The following KCNK3 variants were observed in gnomAD, a reference collection of about 807,000 sequenced individuals.
KCNK3 encodes the protein potassium channel subfamily K member 3.
KCNK3 carries 9 observed loss-of-function variants against 27.3 expected under a neutral mutation model. The ratio of observed to expected loss-of-function variants is 0.33; its 90% CI spans 0.20 to 0.57. The LOEUF (loss-of-function observed/expected upper bound fraction) is 0.57. Among genes scored for constraint, KCNK3 ranks in the 20% least tolerant of loss-of-function variants. KCNK3 has a pLI of 0.87. For synonymous variants in KCNK3, 278 were observed against 273.8 expected, an observed-to-expected ratio of 1.02 and a Z score of -0.15; for missense variants, 391 against 577.7, an observed-to-expected ratio of 0.68 and a Z score of 3.31.
At chr2:26,713,320 C>G (rs1017071546) in intron 1 of KCNK3, among the ~76,000 whole-genome samples, 1 of 152,086 alleles carries the variant, frequency 6.6e-6, no homozygotes, top group Non-Finnish European at 1.5e-5. Context: ...ACAGATGGGA[C>G]CAGAAATGGT....
chr2:26,727,582 C>T (rs1663444902), intron 1 of KCNK3, 85 bp from the exon 2 acceptor site: 5 of 1,501,014 alleles, frequency 3.3e-6, no homozygotes, highest in Non-Finnish European at 4.4e-6. Flanking sequence ...GGGGAGGTGG[C>T]GGGGCAACGG....
At position 26,694,747 on chromosome 2, in the gene KCNK3, A is replaced by G. The variant is rs1033551265; in HGVS notation, c.283+1589A>G. ...GTCTCTTCCACTCTCACACCCCACT[A>G]CTATTTGCCAGGGTTTCAGTAGCTG... On this transcript the variant is annotated intron_variant, in intron 1 of 1. Transcript: ENST00000302909. 4.6e-5 allele frequency among the ~76,000 whole-genome samples: 7 copies of G among 152,058 alleles called. No homozygotes were observed. In the East Asian group the frequency reaches 7.7e-4, roughly 17 times the overall value.
At chr2:26,697,153 CCTCTCTGA>C (rs904357428) in intron 1 of KCNK3, among the ~76,000 whole-genome samples, 8 of 152,146 alleles carry the variant, frequency 5.3e-5, no homozygotes, top group Admixed American at 1.3e-4. Context: ...TTCAATTGGA[CCTCTCTGA>C]CTCTCCTGCC....
chr2:26,699,246 A>AAAGAAAGAAAGC (rs1553384422), intron 1 of KCNK3, among the ~76,000 whole-genome samples: 1 of 140,342 alleles, frequency 7.1e-6, no homozygotes, highest in Non-Finnish European at 1.5e-5. Context: ...AGAAAGAAAG[A>AAAGAAAGAAAGC]AAGAAAGCCA....
intron 1 of KCNK3, among the ~76,000 whole-genome samples, chr2:26,710,613 G>T (rs1176549650): frequency 6.6e-6 from 1 of 152,178 alleles, no homozygotes; most frequent in East Asian, 1.9e-4. Context: ...GGAGATGGGG[G>T]CCTGTCCAGC....
At chr2:26,712,322 G>C (rs911684543) in intron 1 of KCNK3, among the ~76,000 whole-genome samples, 4 of 152,186 alleles carry the variant, frequency 2.6e-5, no homozygotes, top group Middle Eastern at 3.2e-3. Flanking sequence ...GCAACCGAAG[G>C]CTTGTTCACT....
chr2:26,697,100 T>TC (rs1670243614), intron 1 of KCNK3, among the ~76,000 whole-genome samples: 1 of 151,926 alleles, frequency 6.6e-6, no homozygotes, highest in Admixed American at 6.6e-5. Flanking sequence ...GGTAGATGAC[T>TC]CCCCCATGGC....
intron 1 of KCNK3, among the ~76,000 whole-genome samples, chr2:26,697,811 C>T (rs942175054): frequency 1.3e-5 from 2 of 152,148 alleles, no homozygotes; most frequent in African/African-American, 2.4e-5. Flanking sequence ...CTCAGCTGAG[C>T]ACCACCTCCC....
intron 1 of KCNK3, among the ~76,000 whole-genome samples, chr2:26,709,974 A>G (rs912417280): frequency 1.1e-4 from 16 of 152,042 alleles, no homozygotes; most frequent in Non-Finnish European, 1.9e-4. Context: ...TCCTTTGATC[A>G]TTTCTGTCAG....
chr2:26,700,521 G>C (rs1023875767), intron 1 of KCNK3, among the ~76,000 whole-genome samples: 7 of 152,180 alleles, frequency 4.6e-5, no homozygotes, highest in African/African-American at 1.7e-4. Flanking sequence ...GGCCTCTCTG[G>C]CTGGGCCTGA....
intron 1 of KCNK3, among the ~76,000 whole-genome samples, chr2:26,709,559 T>C (rs902999110): frequency 4.0e-5 from 6 of 151,894 alleles, no homozygotes; most frequent in African/African-American, 1.5e-4. Context: ...ACCGGAGACA[T>C]TGGCCATGAA....
intron 1 of KCNK3, among the ~76,000 whole-genome samples, chr2:26,726,102 C>CAG (rs775668682): frequency 0.055 from 7,415 of 135,798 alleles, 222 homozygotes; most frequent in Non-Finnish European, 0.075. Context: ...CACACACACA[C>CAG]ACACAGAGAG....
chr2:26,693,265 T>G lies in KCNK3; in HGVS notation c.283+107T>G. 4 of 1,124,172 alleles carry G rather than the reference T, an allele frequency of 3.6e-6. No homozygotes were observed. The highest frequency in any genetic ancestry group is 3.1e-5 in the East Asian group (1 of 32,444). 69.6% of individuals were successfully genotyped at this position (1,124,172 alleles called of 1,614,324 possible). A position where few individuals can be genotyped will look rare whatever the true frequency, so the allele number is the denominator to read the frequency against. On this transcript the variant is annotated intron_variant, in intron 1 of 1. Transcript: ENST00000302909. This position sits in a 1 kb window ranked among gnomAD's most constrained non-coding sequence, Gnocchi z 5.5. ...GGGCGGGGGCTCCCCCGAGAGGGGC[T>G]GGGCGCCGAACCCTGCGCTCGCAGA...
intron 1 of KCNK3, among the ~76,000 whole-genome samples, chr2:26,706,401 AC>A: frequency 6.6e-6 from 1 of 151,644 alleles, no homozygotes; most frequent in South Asian, 2.1e-4. Flanking sequence ...CTCTCAAACA[AC>A]CCCAGGGAAG....
chr2:26,724,630 C>T (rs1256299039), intron 1 of KCNK3: 2 of 985,046 alleles, frequency 2.0e-6, no homozygotes, highest in Non-Finnish European at 2.4e-6. Context: ...GGCATGTGAC[C>T]CCAAAGAGGA....
At chr2:26,712,818 C>T (rs569275430) in intron 1 of KCNK3, among the ~76,000 whole-genome samples, 1 of 152,086 alleles carries the variant, frequency 6.6e-6, no homozygotes, top group East Asian at 1.9e-4. Flanking sequence ...GCCTGGAGTC[C>T]CTCTCTTCCT....
Position 26,728,812 on chromosome 2 carries a change from T to A in KCNK3, c.*244T>A. 2.5e-6 allele frequency: 1 copy of A among 397,168 alleles called. No homozygotes were observed. Among genetic ancestry groups the A allele is most frequent in the Non-Finnish European group, 4.4e-6 (1 of 226,158 alleles). 24.6% of individuals were successfully genotyped at this position (397,168 alleles called of 1,614,324 possible). A position where few individuals can be genotyped will look rare whatever the true frequency, so the allele number is the denominator to read the frequency against. Reference sequence around the variant, plus strand: ...CCGAGAAATGTGAAACTTGGTGGGGTCAGGGAGGAAAGGCAGAAGCTGGGA... The same window carrying A: ...CCGAGAAATGTGAAACTTGGTGGGGACAGGGAGGAAAGGCAGAAGCTGGGA... On this transcript the variant is annotated 3_prime_UTR_variant, in exon 2 of 2. Transcript: ENST00000302909.
chr2:26,699,666 AGT>A (rs1670283261), intron 1 of KCNK3, among the ~76,000 whole-genome samples: 1 of 152,200 alleles, frequency 6.6e-6, no homozygotes, highest in Admixed American at 6.5e-5. Flanking sequence ...GGCCAAGCTC[AGT>A]GGAGACCCAG....
intron 1 of KCNK3, among the ~76,000 whole-genome samples, chr2:26,720,310 C>T (rs116026386): frequency 6.6e-6 from 1 of 152,164 alleles, no homozygotes. Flanking sequence ...CGTTGTCACA[C>T]CAGGACTGAT....
Sources: gnomAD v4.1 joint callset for allele counts (sites outside exome capture counted in the v4.1 genomes callset) on GRCh38, gnomAD v4.1.1 for gene constraint, Gnocchi (gnomAD v3.1) non-coding constraint, MANE v1.5 for transcripts, NCBI Gene and HGNC (gene_info 2026-07-23, HGNC 2026-07-21) for gene names.